ZNF595: variants seen among roughly 807,000 people sequenced by gnomAD.
The protein encoded by ZNF595 is zinc finger protein 595.
Under a neutral mutation model 19.4 loss-of-function variants are expected in ZNF595, and 9 were observed. That is an observed-to-expected ratio of 0.46 (90% CI 0.28 to 0.81). ZNF595 has a LOEUF of 0.81. Ranked by LOEUF, ZNF595 falls within the 30% of genes least tolerant of loss-of-function variation. ZNF595 has a pLI of 0.11. For missense variants in ZNF595, 729 were observed against 736.0 expected, an observed-to-expected ratio of 0.99 and a Z score of 0.11; for synonymous variants, 255 against 255.9, an observed-to-expected ratio of 1.00 and a Z score of 0.03.
intron 3 of ZNF595, among the ~76,000 whole-genome samples, chr4:76,486 A>G (rs781823866): frequency 1.3e-5 from 2 of 152,124 alleles, no homozygotes; most frequent in Non-Finnish European, 2.9e-5. Context: ...ATGTACCATA[A>G]TTACAGTTTT....
chr4:86,760 C>G lies in ZNF595; in HGVS notation c.1256C>G (p.Thr419Ser). 1 of 1,613,828 alleles carries G rather than the reference C, an allele frequency of 6.2e-7. No homozygotes were observed. The highest frequency in any genetic ancestry group is 8.5e-7 in the Non-Finnish European group (1 of 1,179,884). The change falls in exon 4 of 4, where the codon ACT (threonine) becomes AGT (serine). Residue 419 changes from threonine (T) to serine (S), a missense_variant. Thr to Ser is a moderately conservative substitution (Grantham distance 58). This residue lies in a region of ZNF595 where 729 missense variants were observed against 675.3 expected (regional missense o/e 1.08). Transcript: ENST00000610261. ...SHLAKHKRIH[T>S]GEKPYTCEEC... is the part of the protein sequence containing the mutation. ...CTTGCTAAACATAAGAGAATTCATA[C>G]TGGAGAGAAACCCTACACGTGCGAA...
intron 3 of ZNF595, among the ~76,000 whole-genome samples, chr4:80,236 C>G (rs1227907648): frequency 6.6e-6 from 1 of 152,168 alleles, no homozygotes; most frequent in African/African-American, 2.4e-5. Flanking sequence ...TGAGGCTGGT[C>G]TCAAACTCCT....
chr4:78,673 T>C (rs371766879), intron 3 of ZNF595, among the ~76,000 whole-genome samples: 1 of 152,210 alleles, frequency 6.6e-6, no homozygotes, highest in Admixed American at 6.5e-5. Flanking sequence ...GATGTAAATA[T>C]CTAATTGTGA....
intron 3 of ZNF595, among the ~76,000 whole-genome samples, chr4:83,619 CAAAAAAAA>C (rs71164492): frequency 3.9e-4 from 15 of 38,600 alleles, no homozygotes; most frequent in South Asian, 1.8e-3. Flanking sequence ...GACTCCGTCT[CAAAAAAAA>C]AAAAAAAAAA....
At chr4:70,870 G>A (rs189689348) in intron 3 of ZNF595, among the ~76,000 whole-genome samples, 14 of 152,152 alleles carry the variant, frequency 9.2e-5, no homozygotes, top group South Asian at 2.1e-4. Flanking sequence ...ATTGTTTTTC[G>A]TATTTCTGTG....
At chr4:54,855 C>T (rs1581309329) in intron 1 of ZNF595, among the ~76,000 whole-genome samples, 7 of 152,038 alleles carry the variant, frequency 4.6e-5, no homozygotes, top group Non-Finnish European at 8.9e-5. Flanking sequence ...CAAACCAGTG[C>T]TTTAGTCAGT....
At chr4:61,316 G>C (rs1354170479) in intron 3 of ZNF595, among the ~76,000 whole-genome samples, 1 of 152,312 alleles carries the variant, frequency 6.6e-6, no homozygotes, top group Admixed American at 6.5e-5. Context: ...GATTACAGGT[G>C]CCCGCCACGG....
chr4:85,836 T>C lies in ZNF595; in HGVS notation c.332T>C (p.Leu111Ser). The change falls in exon 4 of 4, where the codon TTA becomes TCA. Residue 111 changes from leucine to serine, a missense_variant. Physicochemically the swap from Leu to Ser is moderately radical, Grantham distance 145 (BLOSUM62 -2). This residue lies in a region of ZNF595 where 729 missense variants were observed against 675.3 expected (regional missense o/e 1.08). Transcript: ENST00000610261. ...TACGAGAAATGTGGACATGAGAATTTACAATTAAGAAAAGGCTGTAAACGT... is the reference window on the plus strand; with the variant it reads ...TACGAGAAATGTGGACATGAGAATTCACAATTAAGAAAAGGCTGTAAACGT... The part of the protein sequence containing the change: ...KRYEKCGHEN[L>S]QLRKGCKRVN... 1.2e-6 allele frequency: 2 copies of C among 1,614,040 alleles called. No individual in the cohort carries two copies. Among genetic ancestry groups the C allele is most frequent in the Non-Finnish European group, 1.7e-6 (2 of 1,179,954 alleles).
At chr4:68,705 AC>A (rs1713307158) in intron 3 of ZNF595, among the ~76,000 whole-genome samples, 1 of 152,268 alleles carries the variant, frequency 6.6e-6, no homozygotes, top group South Asian at 2.1e-4. Context: ...CACAAAAATA[AC>A]ATCATATAAA....
At chr4:74,944 T>C (rs1260020405) in intron 3 of ZNF595, among the ~76,000 whole-genome samples, 2 of 152,244 alleles carry the variant, frequency 1.3e-5, no homozygotes, top group Non-Finnish European at 2.9e-5. Flanking sequence ...GCTTCTATAT[T>C]GGGTATGTAT....
rs376128961 is a variant in ZNF595 at position 85,735 on chromosome 4, A to G, written c.231A>G (p.Ile77Met). 45 of 1,561,962 alleles carry G rather than the reference A, an allele frequency of 2.9e-5. No homozygotes were observed. In the African/African-American group the frequency reaches 3.9e-4, roughly 13 times the overall value. The change falls in exon 4 of 4, where the codon ATA becomes ATG. Residue 77 changes from isoleucine to methionine, a missense_variant. Physicochemically the swap from Ile to Met is conservative, Grantham distance 10. Coordinates refer to ENST00000610261, the MANE Select transcript of ZNF595 (RefSeq NM_182524.4). Reference sequence around the variant, plus strand: ...TGTTATTTTTATTTCTTTCAGCTATATGTTCTCCTTTCAGCCAAGACCTTT... The same window carrying G: ...TGTTATTTTTATTTCTTTCAGCTATGTGTTCTCCTTTCAGCCAAGACCTTT... ...IHETAAKPPA[I>M]CSPFSQDLSP...
At chr4:80,062 G>T (rs1433306583) in intron 3 of ZNF595, among the ~76,000 whole-genome samples, 1 of 151,938 alleles carries the variant, frequency 6.6e-6, no homozygotes, top group African/African-American at 2.4e-5. Context: ...CACTCTTGTT[G>T]CCCAGGCTGG....
At chr4:69,400 G>A (rs1328165965) in intron 3 of ZNF595, among the ~76,000 whole-genome samples, 2 of 152,060 alleles carry the variant, frequency 1.3e-5, no homozygotes, top group East Asian at 3.9e-4. Context: ...CCTTACTGGC[G>A]TTTGTTATTG....
chr4:77,261 C>A (rs782590056), intron 3 of ZNF595, among the ~76,000 whole-genome samples: 66 of 151,518 alleles, frequency 4.4e-4, no homozygotes, highest in Non-Finnish European at 8.5e-4. Flanking sequence ...TTCTTCAGCT[C>A]CAGCATATCC....
In ZNF595 at chr4:86,190, C is replaced by G. The variant is rs111857169; in HGVS notation, c.686C>G (p.Thr229Arg). Residue 229 changes from threonine (T) to arginine (R), a missense_variant, in exon 4 of 4, where the codon ACA (threonine) becomes AGA (arginine). Thr to Arg is a moderately conservative substitution (Grantham distance 71). Transcript: ENST00000610261. The part of the protein sequence containing the change: ...KRIHTGEKPY[T>R]CEECGKAFRR... Reference sequence around the variant, plus strand: ...ATTCATACTGGAGAGAAACCCTACACATGTGAAGAATGTGGCAAAGCCTTT... The same window carrying G: ...ATTCATACTGGAGAGAAACCCTACAGATGTGAAGAATGTGGCAAAGCCTTT... The G allele has an allele frequency of 9.9e-6, 16 of 1,611,818 alleles. No homozygotes were observed. The highest frequency in any genetic ancestry group is 1.1e-5 in the Non-Finnish European group (13 of 1,179,460).
intron 3 of ZNF595, chr4:68,598 A>T (rs1340132010): frequency 2.6e-5 from 4 of 152,322 alleles, no homozygotes; most frequent in Non-Finnish European, 5.9e-5. Context: ...TTTTCATTTT[A>T]AATTTATATT....
chr4:72,523 C>G (rs374296154), intron 3 of ZNF595, among the ~76,000 whole-genome samples: 1 of 152,118 alleles, frequency 6.6e-6, no homozygotes, highest in Non-Finnish European at 1.5e-5. Context: ...GATAAGTCTA[C>G]TCTGTTATCC....
chr4:77,360 T>C (rs1553798904), intron 3 of ZNF595, among the ~76,000 whole-genome samples: 1 of 152,168 alleles, frequency 6.6e-6, no homozygotes, highest in East Asian at 1.9e-4. Flanking sequence ...CTCATTGACA[T>C]TCCTTAAGAT....
rs10434480 is a variant in ZNF595 at position 61,213 on chromosome 4, G to A, written c.226+1060G>A. Among the ~76,000 whole-genome samples the A allele has an allele frequency of 5.9e-3, 811 of 138,200 alleles. No individual in the cohort carries two copies. In the East Asian group the frequency reaches 0.099, roughly 17 times the overall value. 90.7% of individuals were successfully genotyped at this position (138,200 alleles called of 152,430 possible). On this transcript the variant is annotated intron_variant, in intron 3 of 3. Transcript: ENST00000610261. ...CTGTCACCAAGGCTGGAGTGCAGTGGCGTGACCTCGGCTCACTGCAACCTC... is the reference window on the plus strand; with the variant it reads ...CTGTCACCAAGGCTGGAGTGCAGTGACGTGACCTCGGCTCACTGCAACCTC...
Sources: gnomAD v4.1 joint callset for allele counts (sites outside exome capture counted in the v4.1 genomes callset) on GRCh38, gnomAD v4.1.1 for gene constraint, gnomAD v4.1.1 regional missense constraint, MANE v1.5 for transcripts, NCBI Gene and HGNC (gene_info 2026-07-23, HGNC 2026-07-21) for gene names.